Variants in SGCZ observed in about 807,000 individuals in gnomAD.
SGCZ encodes the protein sarcoglycan zeta, also known as zeta-sarcoglycan.
A neutral mutation model predicts 41.3 loss-of-function variants in SGCZ; 40 were observed. That is an observed-to-expected ratio of 0.97 (90% CI 0.75 to 1.26). The LOEUF (loss-of-function observed/expected upper bound fraction) is 1.26, where lower values mean the gene tolerates loss of function less well. Among genes scored for constraint, SGCZ ranks in the 50% most tolerant of loss-of-function variants. The probability of loss-of-function intolerance (pLI) is 0.00; values close to 1 mark genes in which losing one functional copy is unlikely to be tolerated. For missense variants in SGCZ, 552 were observed against 369.8 expected (o/e 1.49, Z -4.04); for synonymous variants, 206 against 137.5 (o/e 1.50, Z -3.49).
intron 1 of SGCZ, among the ~76,000 whole-genome samples, chr8:15,061,459 C>T (rs535040106): frequency 9.2e-5 from 14 of 151,368 alleles, no homozygotes; most frequent in Non-Finnish European, 1.3e-4. Context: ...TCCAGCAAAC[C>T]ACCATGGCAT....
chr8:14,370,621 T>C (rs907943787), intron 2 of SGCZ, among the ~76,000 whole-genome samples: 1 of 151,922 alleles, frequency 6.6e-6, no homozygotes, highest in Non-Finnish European at 1.5e-5. Flanking sequence ...TATATTTATA[T>C]TGAAAGAATT....
chr8:14,169,883 AAAAG>A (rs892422603), intron 4 of SGCZ, among the ~76,000 whole-genome samples: 21 of 152,118 alleles, frequency 1.4e-4, no homozygotes, highest in African/African-American at 4.8e-4. Flanking sequence ...AGTTAGTGAA[AAAAG>A]AAAGAAAGGG....
At chr8:15,222,357 CAT>C (rs1200508624) in intron 1 of SGCZ, among the ~76,000 whole-genome samples, 2 of 151,954 alleles carry the variant, frequency 1.3e-5, no homozygotes, top group Non-Finnish European at 2.9e-5. Context: ...GAAGTTAAAA[CAT>C]AGTTTTCAAG....
intron 1 of SGCZ, among the ~76,000 whole-genome samples, chr8:14,682,157 G>A (rs11987535): frequency 0.34 from 51,731 of 151,758 alleles, 11,350 homozygotes; most frequent in African/African-American, 0.63. Context: ...AAGGTTCAGA[G>A]AATAGCCGAT....
intron 1 of SGCZ, among the ~76,000 whole-genome samples, chr8:14,904,193 G>A (rs1033128759): frequency 5.9e-5 from 9 of 151,996 alleles, no homozygotes; most frequent in Admixed American, 2.6e-4. Flanking sequence ...TTGAATTGCT[G>A]CTCACAGCTT....
At chr8:14,938,660 C>T (rs1213995402) in intron 1 of SGCZ, among the ~76,000 whole-genome samples, 1 of 151,968 alleles carries the variant, frequency 6.6e-6, no homozygotes, top group Non-Finnish European at 1.5e-5. Flanking sequence ...CCATGGAATA[C>T]TATTTAGCCA....
chr8:14,369,557 T>C lies in SGCZ; in HGVS notation c.235-45353A>G, dbSNP rs532590963. ...CCCAGGTTTCTCTACTGTAATATTA[T>C]TTTATTCATTGTAATTTATAAGTAT... On this transcript the variant is annotated intron_variant, in intron 2 of 7. Transcript: ENST00000382080. 1.8e-4 allele frequency among the ~76,000 whole-genome samples: 27 copies of C among 152,148 alleles called. No homozygotes were observed. The South Asian group carries it at 5.2e-3, about 29-fold the overall frequency.
intron 1 of SGCZ, among the ~76,000 whole-genome samples, chr8:14,897,410 C>A (rs1174466493): frequency 6.6e-6 from 1 of 152,104 alleles, no homozygotes; most frequent in African/African-American, 2.4e-5. Context: ...TAACGTTTAG[C>A]CCTTCCTCTT....
intron 1 of SGCZ, among the ~76,000 whole-genome samples, chr8:14,722,551 T>A (rs1319357996): frequency 1.3e-5 from 2 of 152,062 alleles, no homozygotes; most frequent in Non-Finnish European, 2.9e-5. Context: ...TATACATATA[T>A]ATTTATTACT....
intron 1 of SGCZ, among the ~76,000 whole-genome samples, chr8:14,907,754 A>G (rs1370741215): frequency 6.6e-6 from 1 of 152,190 alleles, no homozygotes; most frequent in African/African-American, 2.4e-5. Context: ...CAACCTATAT[A>G]AGCTACATGC....
chr8:14,199,366 G>T (rs1023485301), intron 4 of SGCZ, among the ~76,000 whole-genome samples: 1 of 152,072 alleles, frequency 6.6e-6, no homozygotes, highest in South Asian at 2.1e-4. Context: ...CTCAAATTCT[G>T]TCTCCTGATA....
chr8:14,394,535 A>C (rs1012548437), intron 2 of SGCZ, among the ~76,000 whole-genome samples: 1 of 152,142 alleles, frequency 6.6e-6, no homozygotes, highest in Non-Finnish European at 1.5e-5. Context: ...CTTGAGACAA[A>C]GTTTGATTCC....
intron 3 of SGCZ, among the ~76,000 whole-genome samples, chr8:14,311,578 C>G (rs867076677): frequency 6.6e-6 from 1 of 152,118 alleles, no homozygotes; most frequent in Admixed American, 6.6e-5. Flanking sequence ...TTAGACAATA[C>G]AATTTCATTC....
chr8:14,727,428 T>C (rs1213561037), intron 1 of SGCZ, among the ~76,000 whole-genome samples: 3 of 152,158 alleles, frequency 2.0e-5, no homozygotes, highest in Admixed American at 1.3e-4. Flanking sequence ...GGCAATATCT[T>C]ATGAAATTTA....
intron 1 of SGCZ, among the ~76,000 whole-genome samples, chr8:15,134,620 T>A (rs887984409): frequency 2.6e-5 from 4 of 152,198 alleles, no homozygotes; most frequent in Non-Finnish European, 1.5e-5. Context: ...ACTCCTTGCA[T>A]AATTGTGCAA....
At chr8:15,231,528 T>C (rs541995491) in intron 1 of SGCZ, among the ~76,000 whole-genome samples, 36 of 150,926 alleles carry the variant, frequency 2.4e-4, no homozygotes, top group Non-Finnish European at 4.0e-4. Flanking sequence ...ACTGAGAATA[T>C]AGATAAACCC....
At position 15,086,241 on chromosome 8, in the gene SGCZ, TC is replaced by T. The variant is rs1191093655; in HGVS notation, c.39+151343del. The stretch of plus-strand genomic sequence containing the variant: ...AATATCTGAACAATATAACAATCTC[TC>T]CTTATGTCTCTGTGTTCAGAAATCA... On this transcript the variant is annotated intron_variant, in intron 1 of 7. Coordinates refer to ENST00000382080, the MANE Select transcript of SGCZ (RefSeq NM_139167.4). Among the ~76,000 whole-genome samples the T allele has an allele frequency of 2.2e-4, 34 of 152,190 alleles. 1 individual carries two copies. Among genetic ancestry groups the T allele is most frequent in the Admixed American group, 2.2e-3 (34 of 15,282 alleles).
chr8:14,785,480 T>G (rs971372130), intron 1 of SGCZ, among the ~76,000 whole-genome samples: 1 of 152,124 alleles, frequency 6.6e-6, no homozygotes, highest in African/African-American at 2.4e-5. Flanking sequence ...TAAATTAGTC[T>G]CAGTGACTAT....
chr8:15,084,074 G>C (rs986335991), intron 1 of SGCZ, among the ~76,000 whole-genome samples: 4 of 152,100 alleles, frequency 2.6e-5, no homozygotes, highest in Non-Finnish European at 5.9e-5. Context: ...AAAAATTGTA[G>C]AAACTGATTA....
Sources: gnomAD v4.1 joint callset for allele counts (sites outside exome capture counted in the v4.1 genomes callset) on GRCh38, gnomAD v4.1.1 for gene constraint, MANE v1.5 for transcripts, NCBI Gene and HGNC (gene_info 2026-07-23, HGNC 2026-07-21) for gene names.